ANO10: variants seen among roughly 807,000 people sequenced by gnomAD.
The protein encoded by ANO10 is anoctamin-10.
Under a neutral mutation model 74.7 loss-of-function variants are expected in ANO10, and 77 were observed. The ratio of observed to expected loss-of-function variants is 1.03; its 90% confidence interval spans 0.86 to 1.25. The LOEUF (loss-of-function observed/expected upper bound fraction) is 1.25. Among genes scored for constraint, ANO10 ranks in the 50% most tolerant of loss-of-function variants. The probability of loss-of-function intolerance (pLI) is 0.00; values close to 1 mark genes in which losing one functional copy is unlikely to be tolerated. For missense variants in ANO10, 721 were observed against 778.1 expected (o/e 0.93, Z 0.87); for synonymous variants, 279 against 284.9 (o/e 0.98, Z 0.21).
In ANO10 at chr3:43,600,395, T is replaced by C; in HGVS notation, c.326A>G (p.Lys109Arg). ...AFTYRTRQNFKGFDDNNDDFL... is the reference protein window; with the variant it reads ...AFTYRTRQNFRGFDDNNDDFL... ...AACTTAGGGCTTACCATCAAAACCTTTGAAGTTCTGTCTGGTTCTGTATGT... is the reference window on the plus strand; with the variant it reads ...AACTTAGGGCTTACCATCAAAACCTCTGAAGTTCTGTCTGGTTCTGTATGT... Residue 109 changes from lysine (K) to arginine (R), a missense_variant, in exon 3 of 13, where the codon AAA becomes AGA. By Grantham distance (26) the Lys-to-Arg change is conservative (BLOSUM62 2). Coordinates refer to ENST00000292246, the MANE Select transcript of ANO10 (RefSeq NM_018075.5). 1.2e-6 allele frequency: 2 copies of C among 1,614,028 alleles called. No individual in the cohort carries two copies. The highest frequency in any genetic ancestry group is 1.7e-6 in the Non-Finnish European group (2 of 1,179,930).
At chr3:43,606,373 G>A (rs1267254202) in intron 1 of ANO10, among the ~76,000 whole-genome samples, 1 of 152,174 alleles carries the variant, frequency 6.6e-6, no homozygotes. Flanking sequence ...GTGGGAATGA[G>A]CTGGTATCCA....
chr3:43,495,844 T>C (rs547415016), intron 11 of ANO10, among the ~76,000 whole-genome samples: 11 of 151,952 alleles, frequency 7.2e-5, no homozygotes, highest in Admixed American at 3.3e-4. Flanking sequence ...GGACTACAGG[T>C]GCCTGCCACC....
chr3:43,531,025 T>C (rs1329684060), intron 11 of ANO10, among the ~76,000 whole-genome samples: 2 of 152,208 alleles, frequency 1.3e-5, no homozygotes, highest in South Asian at 2.1e-4. Flanking sequence ...AGGCATGTTA[T>C]GTATGTAAAA....
intron 12 of ANO10, among the ~76,000 whole-genome samples, chr3:43,374,570 A>G (rs906941754): frequency 6.6e-6 from 1 of 152,108 alleles, no homozygotes; most frequent in Non-Finnish European, 1.5e-5. Context: ...GTACTATAAT[A>G]ATATCACCCA....
At chr3:43,550,278 G>A (rs2079398866) in intron 10 of ANO10, among the ~76,000 whole-genome samples, 1 of 152,132 alleles carries the variant, frequency 6.6e-6, no homozygotes, top group Non-Finnish European at 1.5e-5. Flanking sequence ...ATCTGACTCA[G>A]CTATAACCAG....
intron 11 of ANO10, among the ~76,000 whole-genome samples, chr3:43,548,470 A>G (rs920611896): frequency 1.3e-4 from 20 of 152,218 alleles, no homozygotes; most frequent in African/African-American, 4.6e-4. Context: ...ACTGCTGTCT[A>G]AAATCATTCT....
chr3:43,668,828 ACT>A (rs2084022029), intron 1 of ANO10, among the ~76,000 whole-genome samples: 1 of 151,766 alleles, frequency 6.6e-6, no homozygotes, highest in Admixed American at 6.6e-5. Flanking sequence ...TATAGTTGGT[ACT>A]GTTTTCTATT....
At chr3:43,651,452 C>T (rs1174812550) in intron 1 of ANO10, among the ~76,000 whole-genome samples, 1 of 152,032 alleles carries the variant, frequency 6.6e-6, no homozygotes. Flanking sequence ...GATGCTGTTC[C>T]CGTGGTACAT....
intron 7 of ANO10, among the ~76,000 whole-genome samples, chr3:43,567,076 G>T (rs1158314406): frequency 6.6e-6 from 1 of 152,064 alleles, no homozygotes; most frequent in Admixed American, 6.6e-5. Context: ...TGGAAGAAAG[G>T]GTATCGGCAA....
intron 1 of ANO10, among the ~76,000 whole-genome samples, chr3:43,663,683 T>G (rs1427005494): frequency 6.6e-6 from 1 of 152,160 alleles, no homozygotes; most frequent in African/African-American, 2.4e-5. Context: ...GATAAGCAAC[T>G]TCAGCAGTAC....
At chr3:43,670,598 T>C (rs569075938) in intron 1 of ANO10, among the ~76,000 whole-genome samples, 1 of 152,280 alleles carries the variant, frequency 6.6e-6, no homozygotes, top group South Asian at 2.1e-4. Flanking sequence ...ATGGTCCTAG[T>C]GTATAACTAA....
rs2091416868 is a variant in ANO10, at chr3:43,366,543, T to C, written c.*363A>G. On this transcript the variant is annotated 3_prime_UTR_variant, in exon 13 of 13. Transcript: ENST00000292246. ...AACCTGTCCACGGGTCCCTGGGCCA[T>C]GGTGGGGTTGGGAGTGACACTGCTA... The C allele has an allele frequency of 2.6e-6, 1 of 378,474 alleles. No individual in the cohort carries two copies. Among genetic ancestry groups the C allele is most frequent in the Non-Finnish European group, 5.1e-6 (1 of 196,662 alleles). The allele number at this position is 378,474 out of a possible 1,614,324, so 23.4% of individuals were successfully genotyped here.
intron 11 of ANO10, among the ~76,000 whole-genome samples, chr3:43,487,887 C>A (rs1250120547): frequency 2.6e-5 from 4 of 151,730 alleles, no homozygotes; most frequent in Admixed American, 1.3e-4. Context: ...AAGAACAAAG[C>A]TGGAGGCATC....
At chr3:43,655,197 G>A (rs971646569) in intron 1 of ANO10, among the ~76,000 whole-genome samples, 8 of 152,150 alleles carry the variant, frequency 5.3e-5, no homozygotes, top group South Asian at 4.1e-4. Context: ...AAGTGTGTCC[G>A]GAATTGGTGG....
chr3:43,447,927 A>G lies in ANO10; in HGVS notation c.1798-15200T>C, dbSNP rs992504363. On this transcript the variant is annotated intron_variant, in intron 11 of 12. Transcript: ENST00000292246. The stretch of plus-strand genomic sequence containing the variant: ...TCACAAATGCATTGTTATGGCTTGA[A>G]TTTCTGTGTCCCCACAAATTCACAT... 2.0e-5 allele frequency among the ~76,000 whole-genome samples: 3 copies of G among 152,204 alleles called. No homozygotes were observed. In the East Asian group the frequency reaches 5.8e-4, roughly 29 times the overall value.
intron 11 of ANO10, among the ~76,000 whole-genome samples, chr3:43,463,910 G>A (rs2075497768): frequency 6.6e-6 from 1 of 152,144 alleles, no homozygotes; most frequent in Admixed American, 6.5e-5. Flanking sequence ...GGGACCCGGT[G>A]GGAGGTAACT....
intron 11 of ANO10, among the ~76,000 whole-genome samples, chr3:43,527,475 T>TTG (rs2078256682): frequency 6.6e-6 from 1 of 152,130 alleles, no homozygotes; most frequent in Non-Finnish European, 1.5e-5. Context: ...TATAATAACA[T>TTG]TATTACAGAG....
Position 43,366,842 on chromosome 3 carries a change from C to T in ANO10, c.*64G>A, listed in dbSNP as rs1286499466. 6.7e-7 allele frequency: 1 copy of T among 1,499,782 alleles called. No individual in the cohort carries two copies. Among genetic ancestry groups the T allele is most frequent in the South Asian group, 1.2e-5 (1 of 83,120 alleles). 92.9% of individuals were successfully genotyped at this position (1,499,782 alleles called of 1,614,324 possible). A position where few individuals can be genotyped will look rare whatever the true frequency, so the allele number is the denominator to read the frequency against. ...ATGCTGCCCCGGGTACCCCCCCTGC[C>T]ACCGTGGCAGGTGTGGCACAGACAC... is the stretch of plus-strand genomic sequence containing the variant. On this transcript the variant is annotated 3_prime_UTR_variant, in exon 13 of 13. Transcript: ENST00000292246.
intron 12 of ANO10, among the ~76,000 whole-genome samples, chr3:43,376,668 G>T (rs1186275615): frequency 6.6e-6 from 1 of 152,088 alleles, no homozygotes; most frequent in East Asian, 1.9e-4. Context: ...CTGAGAAAGG[G>T]GGAAATTTTC....
Sources: gnomAD v4.1 joint callset for allele counts (sites outside exome capture counted in the v4.1 genomes callset) on GRCh38, gnomAD v4.1.1 for gene constraint, MANE v1.5 for transcripts, NCBI Gene and HGNC (gene_info 2026-07-23, HGNC 2026-07-21) for gene names.